Variants in KIF1A observed in about 807,000 individuals in gnomAD.
The protein encoded by KIF1A is kinesin-like protein KIF1A.
In KIF1A, 46 loss-of-function variants were observed where a neutral mutation model predicts 227.3. The ratio of observed to expected loss-of-function variants is 0.20; its 90% CI spans 0.16 to 0.26. KIF1A has a LOEUF of 0.26. Among genes scored for constraint, KIF1A ranks in the 10% least tolerant of loss-of-function variants. The pLI is 1.00. For missense variants in KIF1A, 1,683 were observed against 2,485.9 expected, an observed-to-expected ratio of 0.68 and a Z score of 6.87; for synonymous variants, 1,022 against 1,012.8, an observed-to-expected ratio of 1.01 and a Z score of -0.17.
chr2:240,799,733 C>A (rs1471516891), intron 1 of KIF1A, among the ~76,000 whole-genome samples: 1 of 152,166 alleles, frequency 6.6e-6, no homozygotes, highest in East Asian at 1.9e-4. Flanking sequence ...ACAAATCCCG[C>A]AAGGTTTCTA....
In KIF1A at chr2:240,740,983, G is replaced by C. The variant is rs544550622; in HGVS notation, c.3749+286C>G. 3.3e-5 allele frequency among the ~76,000 whole-genome samples: 5 copies of C among 152,158 alleles called. No homozygotes were observed. In the South Asian group the frequency reaches 8.3e-4, roughly 25 times the overall value. On this transcript the variant is annotated intron_variant, in intron 35 of 48. Transcript: ENST00000498729. This position sits in a 1 kb window ranked among gnomAD's most constrained non-coding sequence, Gnocchi z 6.1. Reference sequence around the variant, plus strand: ...GTCTGCCTCCCTGCCCTGCCCCTGAGCCATACCCTGGTTTGCTGTCCTAGT... The same window carrying C: ...GTCTGCCTCCCTGCCCTGCCCCTGACCCATACCCTGGTTTGCTGTCCTAGT...
rs2049280609 is a variant in KIF1A at position 240,752,013 on chromosome 2, C to A, written c.2859-1466G>T. 6.6e-6 allele frequency among the ~76,000 whole-genome samples: 1 copy of A among 152,120 alleles called. No individual in the cohort carries two copies. The highest frequency in any genetic ancestry group is 2.4e-5 in the African/African-American group (1 of 41,426). ...CTGCTAAGCTGAGACCTCACCAACGCCCTCACTGCAAAATGGCCCAGGCTC... is the reference window on the plus strand; with the variant it reads ...CTGCTAAGCTGAGACCTCACCAACGACCTCACTGCAAAATGGCCCAGGCTC... On this transcript the variant is annotated intron_variant, in intron 27 of 48. Transcript: ENST00000498729. This position sits in a 1 kb window ranked among gnomAD's most constrained non-coding sequence, Gnocchi z 6.4.
At position 240,719,176 on chromosome 2, in the gene KIF1A, A is replaced by G. The variant is rs1403795814; in HGVS notation, c.5044T>C (p.Tyr1682His). The change falls in exon 47 of 49, where the codon TAC becomes CAC. Residue 1682 changes from tyrosine (Y) to histidine (H), a missense_variant. Tyr to His is a moderately conservative substitution (Grantham distance 83). This residue lies in a region of KIF1A where 384 missense variants were observed against 410.1 expected (regional missense o/e 0.94). Coordinates refer to ENST00000498729, the MANE Select transcript of KIF1A (RefSeq NM_001244008.2). ...GTGTGCGGCTCCAGGAAGTGCAGGT[A>G]CCCCTTCTTGGAAACGATCGGGCTG... is the stretch of plus-strand genomic sequence containing the variant. ...RVSPIVSKKG[Y>H]LHFLEPHTSG... is the part of the protein sequence containing the mutation. 1.9e-6 allele frequency: 3 copies of G among 1,606,658 alleles called. No individual in the cohort carries two copies. Among genetic ancestry groups the G allele is most frequent in the East Asian group, 2.2e-5 (1 of 44,536 alleles).
rs755821477 is a variant in KIF1A at position 240,773,192 on chromosome 2, G to T, written c.1102C>A (p.Leu368Met). ...AVINEDPNNKLIRELKDEVTR... is the reference protein window; with the variant it reads ...AVINEDPNNKMIRELKDEVTR... ...ACCTCATCCTTCAGCTCGCGGATCA[G>T]CTTGTTGTTGGGGTCCTCATTGATG... Residue 368 changes from leucine (L) to methionine (M), a missense_variant, in exon 13 of 49, where the codon CTG becomes ATG. This residue lies in a region of KIF1A where 110 missense variants were observed against 133.1 expected (regional missense o/e 0.83). Coordinates refer to ENST00000498729, the MANE Select transcript of KIF1A (RefSeq NM_001244008.2). The T allele has an allele frequency of 1.9e-6, 3 of 1,613,886 alleles. No homozygotes were observed. Among genetic ancestry groups the T allele is most frequent in the Non-Finnish European group, 2.5e-6 (3 of 1,179,870 alleles).
At chr2:240,723,638 G>A in intron 41 of KIF1A, 80 bp from the exon 42 acceptor site, 1 of 1,436,576 alleles carries the variant, frequency 7.0e-7, no homozygotes, top group South Asian at 1.4e-5. Context: ...CCGCCCATCT[G>A]TGAAGCTGTC....
chr2:240,785,176 C>T, intron 6 of KIF1A, 76 bp from the exon 7 acceptor site: 2 of 1,224,722 alleles, frequency 1.6e-6, no homozygotes, highest in Non-Finnish European at 1.2e-6. Flanking sequence ...TGCCAGCCCT[C>T]TGAACCAGGT....
intron 32 of KIF1A, among the ~76,000 whole-genome samples, chr2:240,744,844 C>T (rs1477482107): frequency 6.6e-6 from 1 of 152,212 alleles, no homozygotes; most frequent in Non-Finnish European, 1.5e-5. Context: ...AATCCACACC[C>T]GTGGCCTGGC....
intron 38 of KIF1A, among the ~76,000 whole-genome samples, chr2:240,734,328 G>A (rs1476126583): frequency 6.6e-6 from 1 of 152,176 alleles, no homozygotes; most frequent in Non-Finnish European, 1.5e-5. Flanking sequence ...GCCAAGGGCA[G>A]CGGGCCAGCC....
At position 240,721,043 on chromosome 2, in the gene KIF1A, G is replaced by C; in HGVS notation, c.4744-5C>G. 1 of 1,611,786 alleles carries C rather than the reference G, an allele frequency of 6.2e-7. No homozygotes were observed. Among genetic ancestry groups the C allele is most frequent in the Non-Finnish European group, 8.5e-7 (1 of 1,179,472 alleles). ...GGTGACAGACATCTCGGAGAGCTGC[G>C]GAGGAGAGGCCTTTTTCAGGGGACA... On this transcript the variant is annotated splice_region_variant and splice_polypyrimidine_tract_variant and intron_variant, in intron 44 of 48. Coordinates refer to ENST00000498729, the MANE Select transcript of KIF1A (RefSeq NM_001244008.2).
In KIF1A at chr2:240,814,848, T is replaced by C. The variant is rs549101353; in HGVS notation, c.-61+5274A>G. Among the ~76,000 whole-genome samples the C allele has an allele frequency of 4.6e-5, 7 of 152,148 alleles. No homozygotes were observed. The South Asian group carries it at 1.5e-3, about 32-fold the overall frequency. On this transcript the variant is annotated intron_variant, in intron 1 of 48. Coordinates refer to ENST00000498729, the MANE Select transcript of KIF1A (RefSeq NM_001244008.2). ...AGGAGGATCACTTGAACCCAGGAGG[T>C]TGAGGCTGTGGTGAGCTGTGACTGC...
At position 240,762,606 on chromosome 2, in the gene KIF1A, C is replaced by A; in HGVS notation, c.2116+113G>T. On this transcript the variant is annotated intron_variant, in intron 23 of 48. Transcript: ENST00000498729. Reference sequence around the variant, plus strand: ...AGGTCTTTCCCTAAAGAGACAGGTCCAGACCCCAGGGCAAAAGTGCTGACC... The same window carrying A: ...AGGTCTTTCCCTAAAGAGACAGGTCAAGACCCCAGGGCAAAAGTGCTGACC... The A allele has an allele frequency of 5.8e-6, 8 of 1,379,262 alleles. 1 individual carries two copies. The South Asian group carries it at 1.4e-4, about 24-fold the overall frequency. 85.4% of individuals were successfully genotyped at this position (1,379,262 alleles called of 1,614,324 possible). A position where few individuals can be genotyped will look rare whatever the true frequency, so the allele number is the denominator to read the frequency against.
In KIF1A at chr2:240,742,979, A is replaced by C. The variant is rs756831909; in HGVS notation, c.3590T>G (p.Leu1197Arg). ...PPLCKDVLSP[L>R]RPSRRHFPRV... ...AGGGAAGTGGCGGCGCGAGGGCCTC[A>C]GGGGGCTGTGGAGAAAGGACCAGTG... Residue 1197 changes from leucine (L) to arginine (R), a missense_variant, in exon 34 of 49, where the codon CTG (leucine) becomes CGG (arginine). Coordinates refer to ENST00000498729, the MANE Select transcript of KIF1A (RefSeq NM_001244008.2). 1.2e-6 allele frequency: 2 copies of C among 1,609,416 alleles called. No homozygotes were observed. The highest frequency in any genetic ancestry group is 3.3e-5 in the Admixed American group (2 of 59,722).
intron 33 of KIF1A, 113 bp from the exon 34 acceptor site, chr2:240,743,097 C>T (rs1010118237): frequency 4.9e-6 from 4 of 813,186 alleles, no homozygotes; most frequent in Non-Finnish European, 5.6e-6. Flanking sequence ...CCCACCCTCT[C>T]TTCTCCAAGA....
Position 240,723,883 on chromosome 2 carries a change from C to T in KIF1A, c.4318+92G>A, listed in dbSNP as rs191903743. On this transcript the variant is annotated intron_variant, in intron 41 of 48. Coordinates refer to ENST00000498729, the MANE Select transcript of KIF1A (RefSeq NM_001244008.2). ...GTGCTTGGGTTCTGTGAGGGATCCC[C>T]CTGCAAATGGCAGCTTCGCTGTGGT... 1.5e-3 allele frequency: 1,593 copies of T among 1,094,620 alleles called. 19 individuals carry two copies. Among genetic ancestry groups the T allele is most frequent in the Non-Finnish European group, 3.2e-4 (230 of 709,132 alleles). 67.8% of individuals were successfully genotyped at this position (1,094,620 alleles called of 1,614,324 possible).
intron 44 of KIF1A, among the ~76,000 whole-genome samples, chr2:240,721,382 G>A (rs987024885): frequency 1.3e-5 from 2 of 152,246 alleles, no homozygotes; most frequent in African/African-American, 4.8e-5. Context: ...GGAAGGCCAT[G>A]GGCCAGGGCT....
chr2:240,731,384 C>G (rs192720839), intron 38 of KIF1A, among the ~76,000 whole-genome samples: 2 of 152,214 alleles, frequency 1.3e-5, no homozygotes, highest in African/African-American at 4.8e-5. Context: ...TGAGCAACAT[C>G]GGATGCGGCT....
At chr2:240,751,972 C>T (rs1245520658) in intron 27 of KIF1A, among the ~76,000 whole-genome samples, 2 of 152,168 alleles carry the variant, frequency 1.3e-5, no homozygotes, top group African/African-American at 4.8e-5. Context: ...GCACCTCCCT[C>T]GCTTTCTGAG....
intron 1 of KIF1A, among the ~76,000 whole-genome samples, chr2:240,817,448 G>A (rs2058411150): frequency 6.6e-6 from 1 of 152,188 alleles, no homozygotes; most frequent in African/African-American, 2.4e-5. Context: ...ACAACCACGT[G>A]CTCATCCTAC....
Position 240,771,096 on chromosome 2 carries a change from C to T in KIF1A, c.1216G>A (p.Ala406Thr). The change falls in exon 15 of 49, where the codon GCC becomes ACC. Residue 406 changes from alanine to threonine, a missense_variant. Coordinates refer to ENST00000498729, the MANE Select transcript of KIF1A (RefSeq NM_001244008.2). Reference protein sequence around the residue: ...TVPGGPKLTNALVGMSPSSSL... With the variant: ...TVPGGPKLTNTLVGMSPSSSL... ...GATGAGGGGCTCATACCCACCAGGG[C>T]ATTGGTCACTGTGGAGAGAGGGTCA... 6.2e-7 allele frequency: 1 copy of T among 1,613,534 alleles called. No individual in the cohort carries two copies.
Sources: gnomAD v4.1 joint callset for allele counts (sites outside exome capture counted in the v4.1 genomes callset) on GRCh38, gnomAD v4.1.1 for gene constraint, gnomAD v4.1.1 regional missense constraint, Gnocchi (gnomAD v3.1) non-coding constraint, MANE v1.5 for transcripts, NCBI Gene and HGNC (gene_info 2026-07-23, HGNC 2026-07-21) for gene names.